The following SCHIP1 variants were observed in gnomAD, a reference collection of about 807,000 sequenced individuals.
SCHIP1 encodes the protein schwannomin-interacting protein 1.
Under a neutral mutation model 29.7 loss-of-function variants are expected in SCHIP1, and 8 were observed. The observed-to-expected ratio is 0.27, with a 90% CI of 0.16 to 0.49. The LOEUF (loss-of-function observed/expected upper bound fraction) is 0.49. Ranked by LOEUF, SCHIP1 falls within the 20% of genes least tolerant of loss-of-function variation. SCHIP1 has a pLI of 0.99. For missense variants in SCHIP1, 193 were observed against 294.6 expected, an observed-to-expected ratio of 0.66 and a Z score of 2.52; for synonymous variants, 76 against 94.9, an observed-to-expected ratio of 0.80 and a Z score of 1.16.
the SCHIP1 span, among the ~76,000 whole-genome samples, chr3:159,552,600 C>A: frequency 6.6e-6 from 1 of 152,110 alleles, no homozygotes; most frequent in Admixed American, 6.5e-5. Context: ...TACATATAGC[C>A]ACCGTGTCCC....
intron 1 of SCHIP1, among the ~76,000 whole-genome samples, chr3:159,851,511 C>T (rs1712631041): frequency 6.6e-6 from 1 of 151,968 alleles, no homozygotes; most frequent in Non-Finnish European, 1.5e-5. Flanking sequence ...GTAGGAGGAA[C>T]ATATAAAGTG....
At chr3:159,369,876 G>T in the SCHIP1 span, among the ~76,000 whole-genome samples, 84,774 of 151,946 alleles carry the variant, frequency 0.56, 24,027 homozygotes, top group Non-Finnish European at 0.6. Context: ...CTAGACATAA[G>T]CAATTAACAA....
the SCHIP1 span, among the ~76,000 whole-genome samples, chr3:159,679,773 C>T: frequency 6.6e-6 from 1 of 152,144 alleles, no homozygotes; most frequent in Non-Finnish European, 1.5e-5. Flanking sequence ...CCTCCACACC[C>T]CTGAGAGCAG....
At chr3:159,659,843 A>C in the SCHIP1 span, among the ~76,000 whole-genome samples, 1 of 152,014 alleles carries the variant, frequency 6.6e-6, no homozygotes, top group Non-Finnish European at 1.5e-5. Flanking sequence ...TAAGACACCG[A>C]TTTTTTTCCC....
intron 1 of SCHIP1, among the ~76,000 whole-genome samples, chr3:159,856,096 T>G (rs1713328089): frequency 6.6e-6 from 1 of 152,220 alleles, no homozygotes; most frequent in Non-Finnish European, 1.5e-5. Flanking sequence ...ATTATTTCCC[T>G]GCCCTGCTGT....
chr3:159,294,131 T>C, the SCHIP1 span, among the ~76,000 whole-genome samples: 1 of 152,078 alleles, frequency 6.6e-6, no homozygotes, highest in South Asian at 2.1e-4. Context: ...GATAAGGAGG[T>C]TGGATTAGTT....
chr3:159,481,895 G>T, the SCHIP1 span, among the ~76,000 whole-genome samples: 233 of 152,104 alleles, frequency 1.5e-3, no homozygotes, highest in African/African-American at 5.3e-3. Context: ...TCAGAAAATC[G>T]GGCAGAGTGG....
the SCHIP1 span, among the ~76,000 whole-genome samples, chr3:159,527,389 A>G: frequency 1.3e-5 from 2 of 152,340 alleles, no homozygotes; most frequent in East Asian, 1.9e-4. Context: ...CACTTGCTTT[A>G]TATATCCAGA....
At chr3:159,486,115 C>T in the SCHIP1 span, among the ~76,000 whole-genome samples, 2 of 152,032 alleles carry the variant, frequency 1.3e-5, no homozygotes, top group African/African-American at 4.8e-5. Flanking sequence ...TTAACACATC[C>T]ATCTCTTTAT....
the SCHIP1 span, among the ~76,000 whole-genome samples, chr3:159,638,722 A>G: frequency 6.6e-6 from 1 of 152,066 alleles, no homozygotes; most frequent in South Asian, 2.1e-4. Flanking sequence ...GTGGGTCTAA[A>G]GCAGTGGTCC....
chr3:159,870,590 AG>A (rs1455890474), intron 2 of SCHIP1, among the ~76,000 whole-genome samples: 1 of 152,054 alleles, frequency 6.6e-6, no homozygotes, highest in African/African-American at 2.4e-5. Flanking sequence ...TAAAGTGGTT[AG>A]GGAGTATTAT....
the SCHIP1 span, among the ~76,000 whole-genome samples, chr3:159,496,529 G>T: frequency 6.6e-6 from 1 of 152,164 alleles, no homozygotes; most frequent in Admixed American, 6.5e-5. Context: ...GGCCATCAGA[G>T]AAATGCAAAT....
the SCHIP1 span, among the ~76,000 whole-genome samples, chr3:159,730,933 C>T: frequency 6.6e-6 from 1 of 152,222 alleles, no homozygotes; most frequent in Non-Finnish European, 1.5e-5. Context: ...CACTCTACTA[C>T]ATGCTTGTTC....
At chr3:159,840,023 C>A in exon 1 of SCHIP1, 2 of 1,457,152 alleles carry the variant, frequency 1.4e-6, no homozygotes, top group Non-Finnish European at 1.8e-6. Flanking sequence ...CAGGCAGTGC[C>A]ACTGCGCAGG....
chr3:159,865,950 TAG>T (rs1714579006), intron 1 of SCHIP1, among the ~76,000 whole-genome samples: 1 of 152,230 alleles, frequency 6.6e-6, no homozygotes, highest in African/African-American at 2.4e-5. Flanking sequence ...TTACTTAGAC[TAG>T]AGATTAGAAT....
chr3:159,661,893 G>A, the SCHIP1 span, among the ~76,000 whole-genome samples: 19,341 of 152,106 alleles, frequency 0.13, 3,430 homozygotes, highest in African/African-American at 0.4. Context: ...ATTTCTCTTC[G>A]AAGAATCAGT....
the SCHIP1 span, among the ~76,000 whole-genome samples, chr3:159,443,753 C>T: frequency 1.1e-3 from 160 of 152,232 alleles, no homozygotes; most frequent in African/African-American, 3.4e-3. Flanking sequence ...GTGATCTGCC[C>T]GCCTCGGCCT....
the SCHIP1 span, among the ~76,000 whole-genome samples, chr3:159,665,559 T>C: frequency 6.6e-6 from 1 of 152,068 alleles, no homozygotes; most frequent in South Asian, 2.1e-4. Context: ...TGTGTGTGTG[T>C]GTGTGTGTGT....
At chr3:159,655,460 A>G in the SCHIP1 span, among the ~76,000 whole-genome samples, 1 of 152,204 alleles carries the variant, frequency 6.6e-6, no homozygotes, top group Non-Finnish European at 1.5e-5. Flanking sequence ...GCCAGGCACT[A>G]TGAGGCTGGC....
Sources: allele counts gnomAD v4.1 joint callset (sites outside exome capture counted in the v4.1 genomes callset), GRCh38; gene constraint gnomAD v4.1.1; transcripts MANE v1.5; gene names NCBI Gene and HGNC (gene_info 2026-07-23, HGNC 2026-07-21).